Variants in WDFY2 observed in about 807,000 individuals in gnomAD.
WDFY2 encodes WD repeat and FYVE domain-containing protein 2.
Under a neutral mutation model 56.4 loss-of-function variants are expected in WDFY2, and 36 were observed. The observed-to-expected ratio is 0.64, with a 90% confidence interval of 0.49 to 0.84. The LOEUF (loss-of-function observed/expected upper bound fraction) is 0.84, where lower values mean the gene tolerates loss of function less well. Among genes scored for constraint, WDFY2 ranks in the 40% least tolerant of loss-of-function variants. The pLI, the probability that WDFY2 is intolerant of heterozygous loss-of-function variation, is 0.00. For missense variants in WDFY2, 444 were observed against 512.2 expected, an observed-to-expected ratio of 0.87 and a Z score of 1.29; for synonymous variants, 176 against 183.7, an observed-to-expected ratio of 0.96 and a Z score of 0.34.
At chr13:51,717,108 G>A (rs1952371062) in intron 4 of WDFY2, among the ~76,000 whole-genome samples, 1 of 152,098 alleles carries the variant, frequency 6.6e-6, no homozygotes, top group East Asian at 1.9e-4. Flanking sequence ...TCTAAGATCA[G>A]GATCAAGGCA....
chr13:51,680,784 C>T (rs1955964928), intron 3 of WDFY2, among the ~76,000 whole-genome samples: 1 of 152,146 alleles, frequency 6.6e-6, no homozygotes, highest in Non-Finnish European at 1.5e-5. Context: ...TAAGTGATAT[C>T]TTGAATAGGC....
intron 8 of WDFY2, chr13:51,752,941 C>T (rs1593478998): frequency 6.6e-6 from 1 of 152,322 alleles, no homozygotes; most frequent in East Asian, 1.9e-4. Flanking sequence ...ATATTGAAGT[C>T]ATCTCTAACC....
At chr13:51,681,986 A>T (rs1007889722) in intron 3 of WDFY2, among the ~76,000 whole-genome samples, 4 of 152,204 alleles carry the variant, frequency 2.6e-5, no homozygotes, top group African/African-American at 9.6e-5. Flanking sequence ...GTGAATGCAG[A>T]TACCAAGAGC....
intron 11 of WDFY2, 52 bp downstream of exon 11, chr13:51,758,352 T>C (rs377337483): frequency 1.5e-6 from 2 of 1,357,916 alleles, no homozygotes; most frequent in East Asian, 2.4e-5. Context: ...CATATAAATA[T>C]ACAGGAGCAC....
At chr13:51,640,895 G>A (rs899901373) in intron 1 of WDFY2, among the ~76,000 whole-genome samples, 19 of 151,386 alleles carry the variant, frequency 1.3e-4, no homozygotes, top group Non-Finnish European at 2.5e-4. Flanking sequence ...ACCTGCTGGG[G>A]ATGATTATAT....
At chr13:51,663,105 T>A (rs1450854964) in intron 2 of WDFY2, among the ~76,000 whole-genome samples, 15 of 152,260 alleles carry the variant, frequency 9.9e-5, no homozygotes, top group Admixed American at 7.8e-4. Context: ...AAGACCAGCC[T>A]GGACAATATA....
At chr13:51,719,463 G>T in intron 5 of WDFY2, 115 bp downstream of exon 5, 1 of 1,209,216 alleles carries the variant, frequency 8.3e-7, no homozygotes, top group Non-Finnish European at 1.2e-6. Context: ...GTTGCCCAGT[G>T]TGGATTACAA....
chr13:51,715,863 A>G (rs1334861509), intron 4 of WDFY2, among the ~76,000 whole-genome samples: 1 of 152,188 alleles, frequency 6.6e-6, no homozygotes, highest in East Asian at 1.9e-4. Context: ...ATGGTGCCAC[A>G]GTTTCCATCA....
At chr13:51,702,340 G>A (rs1484747291) in intron 3 of WDFY2, among the ~76,000 whole-genome samples, 2 of 151,938 alleles carry the variant, frequency 1.3e-5, no homozygotes, top group Non-Finnish European at 2.9e-5. Flanking sequence ...TTAGTCTGCT[G>A]TGTCCAATTG....
chr13:51,725,209 G>GT (rs1243444232), intron 5 of WDFY2, among the ~76,000 whole-genome samples: 1 of 152,034 alleles, frequency 6.6e-6, no homozygotes, highest in Non-Finnish European at 1.5e-5. Context: ...TTATCCTACG[G>GT]TTTATTTAAA....
intron 1 of WDFY2, among the ~76,000 whole-genome samples, chr13:51,594,795 G>A (rs1954114327): frequency 6.6e-6 from 1 of 152,102 alleles, no homozygotes; most frequent in Admixed American, 6.6e-5. Flanking sequence ...TACATGAGAT[G>A]ATCTTCCTGC....
chr13:51,587,142 G>A (rs1040580774), intron 1 of WDFY2: 1 of 152,170 alleles, frequency 6.6e-6, no homozygotes, highest in Non-Finnish European at 1.5e-5. Flanking sequence ...TACCTGAATG[G>A]CAGTGTTCCA....
Position 51,760,640 on chromosome 13 carries a change from A to G in WDFY2, c.*871A>G, listed in dbSNP as rs1411915861. The G allele has an allele frequency of 6.6e-6, 1 of 152,202 alleles. No individual in the cohort carries two copies. The highest frequency in any genetic ancestry group is 1.9e-4 in the East Asian group (1 of 5,206). 9.4% of individuals were successfully genotyped at this position (152,202 alleles called of 1,614,324 possible). Reference sequence around the variant, plus strand: ...TCGTAACAATGAAAACAAATGACACACACACAAAATCCTACATCAGCGGCC... The same window carrying G: ...TCGTAACAATGAAAACAAATGACACGCACACAAAATCCTACATCAGCGGCC... On this transcript the variant is annotated 3_prime_UTR_variant, in exon 12 of 12. Coordinates refer to ENST00000298125, the MANE Select transcript of WDFY2 (RefSeq NM_052950.4).
intron 1 of WDFY2, among the ~76,000 whole-genome samples, chr13:51,609,209 C>T (rs971623800): frequency 1.5e-4 from 23 of 152,176 alleles, no homozygotes; most frequent in African/African-American, 5.1e-4. Flanking sequence ...TCACCATTCA[C>T]GTCAAGAAAT....
At chr13:51,667,879 CTTTTTTTTTTTTTTTT>C (rs66771214) in intron 2 of WDFY2, among the ~76,000 whole-genome samples, 4 of 50,046 alleles carry the variant, frequency 8.0e-5, no homozygotes, top group African/African-American at 2.0e-4. Context: ...TGAGGAACTT[CTTTTTTTTTTTTTTTT>C]TTTTTTTTTT....
At chr13:51,617,750 T>A (rs1954646146) in intron 1 of WDFY2, among the ~76,000 whole-genome samples, 1 of 152,232 alleles carries the variant, frequency 6.6e-6, no homozygotes. Context: ...GTGAGTTAAA[T>A]CTCAAGAAAT....
At position 51,638,418 on chromosome 13, in the gene WDFY2, A is replaced by G. The variant is rs531441067; in HGVS notation, c.138-22178A>G. Among the ~76,000 whole-genome samples, 5 of 152,310 alleles carry G rather than the reference A, an allele frequency of 3.3e-5. No individual in the cohort carries two copies. The South Asian group carries it at 1.0e-3, about 32-fold the overall frequency. ...CTGAGCAACATATTGGATGGAAGAG[A>G]TAACTTTATTCTCTGCGTTTAAATT... On this transcript the variant is annotated intron_variant, in intron 1 of 11. Transcript: ENST00000298125.
Position 51,759,781 on chromosome 13 carries a change from G to A in WDFY2, c.*12G>A. On this transcript the variant is annotated 3_prime_UTR_variant, in exon 12 of 12. Coordinates refer to ENST00000298125, the MANE Select transcript of WDFY2 (RefSeq NM_052950.4). ...CAGTCGTGTCTTGATGACTCTCCCAGGAATCAGAAAGATAGTATTTACTAA... is the reference window on the plus strand; with the variant it reads ...CAGTCGTGTCTTGATGACTCTCCCAAGAATCAGAAAGATAGTATTTACTAA... The A allele has an allele frequency of 1.9e-6, 3 of 1,613,378 alleles. No individual in the cohort carries two copies. The highest frequency in any genetic ancestry group is 2.5e-6 in the Non-Finnish European group (3 of 1,179,546).
intron 1 of WDFY2, among the ~76,000 whole-genome samples, chr13:51,654,119 C>G (rs1219091981): frequency 6.6e-6 from 1 of 152,218 alleles, no homozygotes; most frequent in Non-Finnish European, 1.5e-5. Context: ...GCCCCTCCCC[C>G]AGCCTCGCTG....
Sources: allele counts gnomAD v4.1 joint callset (sites outside exome capture counted in the v4.1 genomes callset), GRCh38; gene constraint gnomAD v4.1.1; transcripts MANE v1.5; gene names NCBI Gene and HGNC (gene_info 2026-07-23, HGNC 2026-07-21).